The following CXCR6 variants were observed in gnomAD, a reference collection of about 807,000 sequenced individuals.
The protein encoded by CXCR6 is C-X-C chemokine receptor type 6.
CXCR6 carries 3 observed loss-of-function variants against 1.6 expected under a neutral mutation model. The ratio of observed to expected loss-of-function variants is 1.83; its 90% CI spans 0.83 to 4.72. The LOEUF is 4.72. Among genes scored for constraint, CXCR6 ranks in the 30% most tolerant of loss-of-function variants. The pLI is 0.02. For missense variants in CXCR6, 326 were observed against 414.8 expected (o/e 0.79, Z 1.86); for synonymous variants, 171 against 159.2 (o/e 1.07, Z -0.56).
At chr3:45,943,177 A>AT (rs1704341985), upstream of CXCR6, among the ~76,000 whole-genome samples, 1 of 152,192 alleles carries the variant, frequency 6.6e-6, no homozygotes, top group Non-Finnish European at 1.5e-5. Context: ...GAATTAAGTA[A>AT]TTTTAAGGTA....
chr3:45,942,899 A>G (rs1011180077), upstream of CXCR6, among the ~76,000 whole-genome samples: 3 of 152,190 alleles, frequency 2.0e-5, no homozygotes, highest in African/African-American at 7.2e-5. Context: ...ACCCATCATC[A>G]TGCTGTTGAT....
In CXCR6 at chr3:45,947,969, C is replaced by A. The variant is rs56287545; in HGVS notation, c.*459C>A. ...GAAAACAAGTGCTGGCACCACCAGG[C>A]ACCTCACAGAAATGAGATCAGGCTC... On this transcript the variant is annotated 3_prime_UTR_variant, in exon 2 of 2. Transcript: ENST00000304552. 1,491 of 174,778 alleles carry A rather than the reference C, an allele frequency of 8.5e-3. 9 individuals carry two copies. Among genetic ancestry groups the A allele is most frequent in the Admixed American group, 0.012 (205 of 16,902 alleles). 10.8% of individuals were successfully genotyped at this position (174,778 alleles called of 1,614,324 possible).
chr3:45,948,305 G>A lies in CXCR6; in HGVS notation c.*795G>A, dbSNP rs962446111. 1.8e-5 allele frequency: 3 copies of A among 166,510 alleles called. No homozygotes were observed. Among genetic ancestry groups the A allele is most frequent in the African/African-American group, 7.2e-5 (3 of 41,408 alleles). 10.3% of individuals were successfully genotyped at this position (166,510 alleles called of 1,614,324 possible). Reference sequence around the variant, plus strand: ...TACACACATATGTCATATATTACTAGCATATGAGTTTCATAGCTAAGAAAT... The same window carrying A: ...TACACACATATGTCATATATTACTAACATATGAGTTTCATAGCTAAGAAAT... On this transcript the variant is annotated 3_prime_UTR_variant, in exon 2 of 2. Transcript: ENST00000304552.
chr3:45,946,995 G>A lies in CXCR6; in HGVS notation c.514G>A (p.Val172Ile). Reference protein sequence around the residue: ...VSLPQIIYGNVFNLDKLICGY... With the variant: ...VSLPQIIYGNIFNLDKLICGY... ...CTTGCCCCAAATTATCTATGGCAAT[G>A]TCTTTAATCTCGACAAGCTCATATG... The change falls in exon 2 of 2, where the codon GTC becomes ATC. Residue 172 changes from valine to isoleucine, a missense_variant. Transcript: ENST00000304552. 6.2e-7 allele frequency: 1 copy of A among 1,614,234 alleles called. No homozygotes were observed. Among genetic ancestry groups the A allele is most frequent in the Non-Finnish European group, 8.5e-7 (1 of 1,180,048 alleles).
At position 45,947,237 on chromosome 3, in the gene CXCR6, C is replaced by T. The variant is rs745678341; in HGVS notation, c.756C>T (p.Phe252=). 1.1e-5 allele frequency: 17 copies of T among 1,614,188 alleles called. No individual in the cohort carries two copies. Among genetic ancestry groups the T allele is most frequent in the Non-Finnish European group, 1.4e-5 (17 of 1,180,054 alleles). ...AGATGCCCTTCAACCTCATGAAGTT[C>T]ATCCGCAGCACACACTGGGAATACT... is the stretch of plus-strand genomic sequence containing the variant. The part of the protein sequence containing the change: ...LTQMPFNLMK[F]IRSTHWEYYA... Residue 252 remains phenylalanine (F), a synonymous_variant, in exon 2 of 2, where the codon TTC becomes TTT. Transcript: ENST00000304552.
chr3:45,941,243 G>C (rs1704208359), upstream of CXCR6: 2 of 152,214 alleles, frequency 1.3e-5, no homozygotes, highest in Non-Finnish European at 2.9e-5. Context: ...GCCAACAACT[G>C]TAAATGTCTC....
chr3:45,945,901 G>A (rs981455824), intron 1 of CXCR6: 2 of 152,774 alleles, frequency 1.3e-5, no homozygotes, highest in African/African-American at 2.4e-5. Flanking sequence ...CCCAGGCAGA[G>A]CAGTCTTGCC....
chr3:45,947,258 A>C lies in CXCR6; in HGVS notation c.777A>C (p.Glu259Asp). The C allele has an allele frequency of 6.2e-7, 1 of 1,614,150 alleles. No individual in the cohort carries two copies. Among genetic ancestry groups the C allele is most frequent in the Non-Finnish European group, 8.5e-7 (1 of 1,180,044 alleles). Residue 259 changes from glutamate to aspartate, a missense_variant, in exon 2 of 2, where the codon GAA (glutamate) becomes GAC (aspartate). Glu to Asp is a conservative substitution (Grantham distance 45). Coordinates refer to ENST00000304552, the MANE Select transcript of CXCR6 (RefSeq NM_006564.2). ...LMKFIRSTHW[E>D]YYAMTSFHYT... is the part of the protein sequence containing the mutation. ...AGTTCATCCGCAGCACACACTGGGAATACTATGCCATGACCAGCTTTCACT... is the reference window on the plus strand; with the variant it reads ...AGTTCATCCGCAGCACACACTGGGACTACTATGCCATGACCAGCTTTCACT...
intron 1 of CXCR6, among the ~76,000 whole-genome samples, chr3:45,944,282 T>C (rs898957971): frequency 1.3e-5 from 2 of 152,104 alleles, no homozygotes; most frequent in African/African-American, 4.8e-5. Flanking sequence ...AAGGAGTTTA[T>C]GGTCAAAAAA....
chr3:45,942,667 G>A (rs542429559), upstream of CXCR6, among the ~76,000 whole-genome samples: 2 of 152,310 alleles, frequency 1.3e-5, no homozygotes, highest in African/African-American at 2.4e-5. Context: ...GCCTTCCAGC[G>A]TTATTTCCCA....
chr3:45,947,630 C>T lies in CXCR6; in HGVS notation c.*120C>T. On this transcript the variant is annotated 3_prime_UTR_variant, in exon 2 of 2. Transcript: ENST00000304552. Reference sequence around the variant, plus strand: ...ATTCTCATGGAGAAGTTATCAGACACTCTGGCTGGTTTGGAATGCTTCTTC... The same window carrying T: ...ATTCTCATGGAGAAGTTATCAGACATTCTGGCTGGTTTGGAATGCTTCTTC... The T allele has an allele frequency of 2.6e-6, 2 of 766,330 alleles. No individual in the cohort carries two copies. Among genetic ancestry groups the T allele is most frequent in the Non-Finnish European group, 4.3e-6 (2 of 462,544 alleles). 47.5% of individuals were successfully genotyped at this position (766,330 alleles called of 1,614,324 possible).
upstream of CXCR6, among the ~76,000 whole-genome samples, chr3:45,941,693 T>G (rs889174512): frequency 6.6e-5 from 10 of 152,202 alleles, no homozygotes; most frequent in African/African-American, 2.4e-4. Flanking sequence ...CATATTGACA[T>G]GTACACACAG....
In CXCR6 at chr3:45,946,611, T is replaced by C; in HGVS notation, c.130T>C (p.Cys44Arg). 2.5e-6 allele frequency: 4 copies of C among 1,614,210 alleles called. No individual in the cohort carries two copies. The highest frequency in any genetic ancestry group is 3.4e-6 in the Non-Finnish European group (4 of 1,180,042). ...LPCMYLVVFV[C>R]GLVGNSLVLV... The stretch of plus-strand genomic sequence containing the variant: ...CTGCATGTACCTGGTGGTGTTTGTC[T>C]GTGGTCTGGTGGGGAACTCTCTGGT... Residue 44 changes from cysteine (C) to arginine (R), a missense_variant, in exon 2 of 2, where the codon TGT (cysteine) becomes CGT (arginine). Transcript: ENST00000304552.
upstream of CXCR6, chr3:45,941,273 G>A (rs1379349436): frequency 6.6e-6 from 1 of 152,210 alleles, no homozygotes; most frequent in South Asian, 2.1e-4. Context: ...TCCTGGAACT[G>A]ATAACAGCTC....
At position 45,946,801 on chromosome 3, in the gene CXCR6, G is replaced by A. The variant is rs151224196; in HGVS notation, c.320G>A (p.Gly107Asp). Reference sequence around the variant, plus strand: ...CAGGTCATGTGCAAGAGCCTACTGGGCATCTACACTATTAACTTCTACACG... The same window carrying A: ...CAGGTCATGTGCAAGAGCCTACTGGACATCTACACTATTAACTTCTACACG... ...FGQVMCKSLLGIYTINFYTSM... is the reference protein window; with the variant it reads ...FGQVMCKSLLDIYTINFYTSM... Residue 107 changes from glycine to aspartate, a missense_variant, in exon 2 of 2, where the codon GGC becomes GAC. Gly to Asp is a moderately conservative substitution (Grantham distance 94). Coordinates refer to ENST00000304552, the MANE Select transcript of CXCR6 (RefSeq NM_006564.2). 1.9e-4 allele frequency: 308 copies of A among 1,612,938 alleles called. No homozygotes were observed. The highest frequency in any genetic ancestry group is 3.3e-4 in the Middle Eastern group (2 of 6,058).
At chr3:45,943,249 T>A (rs571297401), upstream of CXCR6, among the ~76,000 whole-genome samples, 6 of 152,298 alleles carry the variant, frequency 3.9e-5, no homozygotes, top group South Asian at 2.1e-4. Flanking sequence ...CCCTTTAGTT[T>A]ACGAATAAAG....
rs1704719590 is a variant in CXCR6 at position 45,947,684 on chromosome 3, T to A, written c.*174T>A. On this transcript the variant is annotated 3_prime_UTR_variant, in exon 2 of 2. Transcript: ENST00000304552. ...GGCATGAACATGTACTGTTCTCTTC[T>A]TGAACACTCATGCTGAAAGCCCAAG... 1 of 612,770 alleles carries A rather than the reference T, an allele frequency of 1.6e-6. No homozygotes were observed. Among genetic ancestry groups the A allele is most frequent in the Non-Finnish European group, 2.9e-6 (1 of 341,790 alleles). 38.0% of individuals were successfully genotyped at this position (612,770 alleles called of 1,614,324 possible).
chr3:45,941,560 G>A (rs1704226773), upstream of CXCR6, among the ~76,000 whole-genome samples: 2 of 152,190 alleles, frequency 1.3e-5, no homozygotes, highest in South Asian at 4.1e-4. Flanking sequence ...TAAAATTTTA[G>A]CCCCAAACCT....
chr3:45,943,783 G>A (rs1704394496), intron 1 of CXCR6, among the ~76,000 whole-genome samples: 1 of 152,142 alleles, frequency 6.6e-6, no homozygotes. Context: ...CAGGCTGATG[G>A]TACTGCTAGT....
Sources: allele counts gnomAD v4.1 joint callset (sites outside exome capture counted in the v4.1 genomes callset), GRCh38; gene constraint gnomAD v4.1.1; transcripts MANE v1.5; gene names NCBI Gene and HGNC (gene_info 2026-07-23, HGNC 2026-07-21).